DPP10: variants seen among roughly 807,000 people sequenced by gnomAD.
DPP10 encodes inactive dipeptidyl peptidase 10.
DPP10 carries 33 observed loss-of-function variants against 120.9 expected under a neutral mutation model. The observed-to-expected ratio is 0.27, with a 90% confidence interval of 0.21 to 0.37. The LOEUF (loss-of-function observed/expected upper bound fraction) is 0.37. Among genes scored for constraint, DPP10 ranks in the 10% least tolerant of loss-of-function variants. The probability of loss-of-function intolerance (pLI) is 1.00; values close to 1 mark genes in which losing one functional copy is unlikely to be tolerated. For missense variants in DPP10, 816 were observed against 942.8 expected, an observed-to-expected ratio of 0.87 and a Z score of 1.76; for synonymous variants, 337 against 326.1, an observed-to-expected ratio of 1.03 and a Z score of -0.36.
intron 1 of DPP10, among the ~76,000 whole-genome samples, chr2:114,703,439 A>G (rs560172778): frequency 1.1e-3 from 162 of 152,308 alleles, no homozygotes; most frequent in Non-Finnish European, 2.0e-3. Context: ...TTTCACAGAC[A>G]TAAGTTTGTT....
chr2:115,825,224 T>G (rs1272532666), intron 21 of DPP10, among the ~76,000 whole-genome samples: 4 of 152,208 alleles, frequency 2.6e-5, no homozygotes, highest in Non-Finnish European at 4.4e-5. Context: ...TCTTTGTTCA[T>G]GCCTTTTAAC....
Position 115,005,329 on chromosome 2 carries a change from C to T in DPP10, c.61-303910C>T, listed in dbSNP as rs544060789. On this transcript the variant is annotated intron_variant, in intron 1 of 25. Transcript: ENST00000410059. ...GAGCGCCTCTCCTCCTCCAAAGGAACGCAGCTCCTCACCAGCAATGGAACA... is the reference window on the plus strand; with the variant it reads ...GAGCGCCTCTCCTCCTCCAAAGGAATGCAGCTCCTCACCAGCAATGGAACA... Among the ~76,000 whole-genome samples the T allele has an allele frequency of 1.6e-4, 24 of 151,108 alleles. 1 individual carries two copies. The South Asian group carries it at 2.3e-3, about 15-fold the overall frequency.
intron 1 of DPP10, among the ~76,000 whole-genome samples, chr2:115,288,746 A>G (rs1400798381): frequency 1.3e-5 from 2 of 152,018 alleles, no homozygotes; most frequent in Non-Finnish European, 2.9e-5. Context: ...AAAAGAAAGA[A>G]AAGAAACAAA....
rs556784962 is a variant in DPP10, at chr2:114,653,365, G to T, written c.60+210527G>T. On this transcript the variant is annotated intron_variant, in intron 1 of 25. Coordinates refer to ENST00000410059, the MANE Select transcript of DPP10 (RefSeq NM_020868.6). ...GGGACGGAATTTCCCTGGAGCCTCT[G>T]GAGAAGGAAACTTTGTGGAGCCTGT... 2.3e-3 allele frequency among the ~76,000 whole-genome samples: 350 copies of T among 152,198 alleles called. 1 individual carries two copies. Among genetic ancestry groups the T allele is most frequent in the Non-Finnish European group, 4.2e-3 (283 of 68,002 alleles).
chr2:115,657,864 T>C (rs935969900), intron 5 of DPP10, among the ~76,000 whole-genome samples: 6 of 151,944 alleles, frequency 3.9e-5, no homozygotes, highest in African/African-American at 1.2e-4. Flanking sequence ...AACAACCTTG[T>C]AAAAATAAAT....
At chr2:115,343,628 T>C (rs1304763503) in intron 2 of DPP10, among the ~76,000 whole-genome samples, 189 bp from the exon 3 acceptor site, 1 of 152,116 alleles carries the variant, frequency 6.6e-6, no homozygotes, top group African/African-American at 2.4e-5. Flanking sequence ...ATTTTAATAG[T>C]AAAAATAGTT....
intron 5 of DPP10, among the ~76,000 whole-genome samples, chr2:115,647,013 A>G (rs1339187158): frequency 6.6e-6 from 1 of 152,186 alleles, no homozygotes; most frequent in Non-Finnish European, 1.5e-5. Flanking sequence ...AACCATAAAA[A>G]TAGTTCTCAT....
intron 1 of DPP10, among the ~76,000 whole-genome samples, chr2:115,131,562 CA>C (rs1188884965): frequency 6.6e-6 from 1 of 151,472 alleles, no homozygotes; most frequent in Admixed American, 6.6e-5. Context: ...AAAAATATAG[CA>C]AAAAAAGAAA....
At chr2:114,622,154 T>C (rs1694138810) in intron 1 of DPP10, among the ~76,000 whole-genome samples, 2 of 152,076 alleles carry the variant, frequency 1.3e-5, no homozygotes, top group South Asian at 2.1e-4. Context: ...GAACCCATCA[T>C]TGGCCTTGAA....
At chr2:114,875,684 A>G (rs1233317740) in intron 1 of DPP10, among the ~76,000 whole-genome samples, 6 of 152,182 alleles carry the variant, frequency 3.9e-5, no homozygotes, top group Non-Finnish European at 8.8e-5. Context: ...AGAAATTAGC[A>G]TAAGTTAAAT....
chr2:114,794,881 G>C (rs1469911792), intron 1 of DPP10, among the ~76,000 whole-genome samples: 1 of 152,104 alleles, frequency 6.6e-6, no homozygotes. Flanking sequence ...ATGATGAAAT[G>C]GATTAATAAT....
At chr2:114,846,025 G>A (rs780970047) in intron 1 of DPP10, among the ~76,000 whole-genome samples, 8 of 151,734 alleles carry the variant, frequency 5.3e-5, no homozygotes, top group Non-Finnish European at 1.0e-4. Flanking sequence ...TTGTATGTTG[G>A]ATCTCACTGA....
chr2:115,022,401 C>A (rs1018946623), intron 1 of DPP10, among the ~76,000 whole-genome samples: 1 of 152,004 alleles, frequency 6.6e-6, no homozygotes, highest in Non-Finnish European at 1.5e-5. Context: ...AAGAACTCAA[C>A]CCCTTTCACA....
intron 5 of DPP10, among the ~76,000 whole-genome samples, chr2:115,605,279 G>A (rs2083629544): frequency 6.6e-6 from 1 of 151,978 alleles, no homozygotes; most frequent in African/African-American, 2.4e-5. Context: ...CTCTCATTTT[G>A]AAAATGAGAA....
chr2:115,048,750 C>A (rs1323644875), intron 1 of DPP10, among the ~76,000 whole-genome samples: 4 of 152,074 alleles, frequency 2.6e-5, no homozygotes, highest in African/African-American at 9.7e-5. Flanking sequence ...TTCTCCTACA[C>A]TTTACCAGCA....
rs1682214065 is a variant in DPP10 at position 114,493,748 on chromosome 2, G to A, written c.60+50910G>A. Among the ~76,000 whole-genome samples, 4 of 152,178 alleles carry A rather than the reference G, an allele frequency of 2.6e-5. No homozygotes were observed. The South Asian group carries it at 6.2e-4, about 24-fold the overall frequency. ...AATAGAACATCACTGTGTAATAATC[G>A]CTGAGAGGTTTACAGGTCAAATGGA... On this transcript the variant is annotated intron_variant, in intron 1 of 25. Transcript: ENST00000410059.
chr2:115,637,416 A>G (rs184764610), intron 5 of DPP10, among the ~76,000 whole-genome samples: 5 of 152,278 alleles, frequency 3.3e-5, no homozygotes, highest in Admixed American at 3.3e-4. Flanking sequence ...GCAAAGTACA[A>G]ATTTCTAAAA....
At chr2:114,714,746 G>A (rs977089812) in intron 1 of DPP10, among the ~76,000 whole-genome samples, 2 of 151,950 alleles carry the variant, frequency 1.3e-5, no homozygotes, top group Non-Finnish European at 2.9e-5. Flanking sequence ...GACACAATCC[G>A]AGTAAGTCTA....
At chr2:115,349,967 T>G (rs2063919879) in intron 3 of DPP10, among the ~76,000 whole-genome samples, 1 of 152,098 alleles carries the variant, frequency 6.6e-6, no homozygotes, top group Admixed American at 6.6e-5. Context: ...AAAGTGTTAT[T>G]TTTTATAATC....
Sources: gnomAD v4.1 joint callset for allele counts (sites outside exome capture counted in the v4.1 genomes callset) on GRCh38, gnomAD v4.1.1 for gene constraint, MANE v1.5 for transcripts, NCBI Gene and HGNC (gene_info 2026-07-23, HGNC 2026-07-21) for gene names.